Variants in FGF10 observed in about 807,000 individuals in gnomAD.
FGF10 encodes FGF-10.
FGF10 carries 2 observed loss-of-function variants against 19.8 expected under a neutral mutation model. That is an observed-to-expected ratio of 0.10 (90% CI 0.04 to 0.32). The LOEUF is 0.32. FGF10 is among the 10% of genes least tolerant of loss of function. The pLI, the probability that FGF10 is intolerant of heterozygous loss-of-function variation, is 1.00. For synonymous variants in FGF10, 112 were observed against 94.0 expected (o/e 1.19, Z -1.10); for missense variants, 191 against 246.3 (o/e 0.78, Z 1.50).
chr5:44,313,854 G>A (rs1308967308), intron 1 of FGF10, among the ~76,000 whole-genome samples: 2 of 152,160 alleles, frequency 1.3e-5, no homozygotes, highest in African/African-American at 2.4e-5. Flanking sequence ...AGGAGGAGAA[G>A]GGTACGCTTT....
chr5:44,363,644 A>G (rs536935277), intron 1 of FGF10, among the ~76,000 whole-genome samples: 1 of 151,894 alleles, frequency 6.6e-6, no homozygotes, highest in Admixed American at 6.6e-5. Context: ...CTTAAATGTG[A>G]CTTTCCAATA....
At chr5:44,316,424 G>A (rs939774591) in intron 1 of FGF10, among the ~76,000 whole-genome samples, 1 of 152,126 alleles carries the variant, frequency 6.6e-6, no homozygotes, top group African/African-American at 2.4e-5. Context: ...AAATATGAAC[G>A]TGCATCAGAA....
chr5:44,332,222 A>G (rs2111762345), intron 1 of FGF10, among the ~76,000 whole-genome samples: 1 of 152,286 alleles, frequency 6.6e-6, no homozygotes, highest in Admixed American at 6.5e-5. Flanking sequence ...AATTTGAAAC[A>G]GCCAGTTAAT....
At chr5:44,336,225 T>C (rs1740847304) in intron 1 of FGF10, among the ~76,000 whole-genome samples, 2 of 152,128 alleles carry the variant, frequency 1.3e-5, no homozygotes, top group Non-Finnish European at 2.9e-5. Flanking sequence ...ATTCATTTTA[T>C]CTCTTTAATG....
At chr5:44,349,148 T>A (rs1741158643) in intron 1 of FGF10, among the ~76,000 whole-genome samples, 1 of 151,010 alleles carries the variant, frequency 6.6e-6, no homozygotes, top group Non-Finnish European at 1.5e-5. Context: ...TTGGTTACAT[T>A]CTCTGCCCCT....
intron 1 of FGF10, among the ~76,000 whole-genome samples, chr5:44,312,138 A>T (rs1740226385): frequency 6.6e-6 from 1 of 151,936 alleles, no homozygotes; most frequent in Admixed American, 6.6e-5. Context: ...AGGATGAAGG[A>T]GACATTATTT....
chr5:44,385,248 A>G (rs1418402858), intron 1 of FGF10, among the ~76,000 whole-genome samples: 1 of 152,138 alleles, frequency 6.6e-6, no homozygotes, highest in Non-Finnish European at 1.5e-5. Flanking sequence ...GAAGCAAACA[A>G]AAAGTATAGC....
intron 1 of FGF10, among the ~76,000 whole-genome samples, chr5:44,317,681 C>A (rs1406513392): frequency 6.6e-6 from 1 of 152,066 alleles, no homozygotes; most frequent in African/African-American, 2.4e-5. Context: ...TAATAGGTTT[C>A]TTCACAACAC....
Position 44,388,718 on chromosome 5 carries a change from C to G in FGF10, c.-36G>C. The G allele has an allele frequency of 6.2e-7, 1 of 1,606,984 alleles. No homozygotes were observed. Among genetic ancestry groups the G allele is most frequent in the Admixed American group, 1.7e-5 (1 of 59,936 alleles). On this transcript the variant is annotated 5_prime_UTR_variant, in exon 1 of 3. The change abolishes the stop of an existing upstream ORF in the 5' untranslated region. Coordinates refer to ENST00000264664, the MANE Select transcript of FGF10 (RefSeq NM_004465.2). ...CTCTCGGCACTGGAAATTGTCTCAT[C>G]AGAAGGAACATACTGGAAGGGTAAG... is the stretch of plus-strand genomic sequence containing the variant.
intron 1 of FGF10, among the ~76,000 whole-genome samples, chr5:44,329,619 GA>G (rs936444740): frequency 4.6e-5 from 7 of 151,756 alleles, no homozygotes; most frequent in East Asian, 1.9e-4. Flanking sequence ...AAATTTAAAT[GA>G]AAAAAAATCA....
intron 1 of FGF10, among the ~76,000 whole-genome samples, chr5:44,365,156 C>T (rs1475411003): frequency 6.6e-6 from 1 of 151,682 alleles, no homozygotes; most frequent in Non-Finnish European, 1.5e-5. Context: ...TAAATGACCT[C>T]TGAAAGCTCC....
chr5:44,380,016 T>A (rs944307994), intron 1 of FGF10, among the ~76,000 whole-genome samples: 2 of 152,236 alleles, frequency 1.3e-5, no homozygotes, highest in Non-Finnish European at 2.9e-5. Flanking sequence ...GTGATTAACA[T>A]CACTAGCACT....
chr5:44,314,774 C>T (rs914374251), intron 1 of FGF10, among the ~76,000 whole-genome samples: 1 of 152,056 alleles, frequency 6.6e-6, no homozygotes, highest in Non-Finnish European at 1.5e-5. Flanking sequence ...CTATTGTCCC[C>T]CTAGCAATCA....
chr5:44,304,779 G>A lies in FGF10; in HGVS notation c.*216C>T, dbSNP rs1157837615. On this transcript the variant is annotated 3_prime_UTR_variant, in exon 3 of 3. Coordinates refer to ENST00000264664, the MANE Select transcript of FGF10 (RefSeq NM_004465.2). ...GAATAACTTCTATCCCATTCGATCT[G>A]CCTATATCTTGATTATAAGACATGA... 1.8e-6 allele frequency: 1 copy of A among 564,630 alleles called. No homozygotes were observed. Among genetic ancestry groups the A allele is most frequent in the Non-Finnish European group, 3.2e-6 (1 of 314,658 alleles). 35.0% of individuals were successfully genotyped at this position (564,630 alleles called of 1,614,324 possible).
At chr5:44,385,337 G>A (rs530157455) in intron 1 of FGF10, among the ~76,000 whole-genome samples, 11 of 152,150 alleles carry the variant, frequency 7.2e-5, no homozygotes, top group African/African-American at 2.6e-4. Flanking sequence ...TAGAACCATC[G>A]AATTTCTGGG....
chr5:44,377,577 C>A (rs573916394), intron 1 of FGF10, among the ~76,000 whole-genome samples: 66 of 152,136 alleles, frequency 4.3e-4, no homozygotes, highest in Non-Finnish European at 8.4e-4. Context: ...TTCTTTTAAC[C>A]TTTTACAGCT....
In FGF10 at chr5:44,371,920, T is replaced by C. The variant is rs1042487478; in HGVS notation, c.325+16438A>G. ...GTTAAGAGGTTAGAACTTACATCTATTTGAGTCCATGCTTAGTACTATCTA... is the reference window on the plus strand; with the variant it reads ...GTTAAGAGGTTAGAACTTACATCTACTTGAGTCCATGCTTAGTACTATCTA... On this transcript the variant is annotated intron_variant, in intron 1 of 2. Coordinates refer to ENST00000264664, the MANE Select transcript of FGF10 (RefSeq NM_004465.2). Among the ~76,000 whole-genome samples, 6 of 152,284 alleles carry C rather than the reference T, an allele frequency of 3.9e-5. No homozygotes were observed. In the East Asian group the frequency reaches 5.8e-4, roughly 15 times the overall value.
chr5:44,301,413 T>C lies in FGF10; in HGVS notation c.*3582A>G, dbSNP rs1247558608. ...CAGCATTAATGCTGATCTATGTAAA[T>C]TGGGTTCATAAACTTGCTTGGGCCC... On this transcript the variant is annotated 3_prime_UTR_variant, in exon 3 of 3. Transcript: ENST00000264664. 6.6e-6 allele frequency among the ~76,000 whole-genome samples: 1 copy of C among 152,162 alleles called. No individual in the cohort carries two copies. Among genetic ancestry groups the C allele is most frequent in the African/African-American group, 2.4e-5 (1 of 41,458 alleles).
intron 1 of FGF10, among the ~76,000 whole-genome samples, chr5:44,319,669 T>A (rs763449317): frequency 6.6e-6 from 1 of 152,180 alleles, no homozygotes; most frequent in Non-Finnish European, 1.5e-5. Context: ...CAAAGATTAT[T>A]TCCATGATTA....
Sources: allele counts gnomAD v4.1 joint callset (sites outside exome capture counted in the v4.1 genomes callset), GRCh38; gene constraint gnomAD v4.1.1; transcripts MANE v1.5; gene names NCBI Gene and HGNC (gene_info 2026-07-23, HGNC 2026-07-21).